The following ERGIC2 variants were observed in gnomAD, a reference collection of about 807,000 sequenced individuals.
The protein encoded by ERGIC2 is ERGIC and golgi 2, also known as endoplasmic reticulum-Golgi intermediate compartment protein 2.
A neutral mutation model predicts 52.5 loss-of-function variants in ERGIC2; 31 were observed. That is an observed-to-expected ratio of 0.59 (90% CI 0.44 to 0.80). The LOEUF (loss-of-function observed/expected upper bound fraction) is 0.80. Among genes scored for constraint, ERGIC2 ranks in the 30% least tolerant of loss-of-function variants. The probability of loss-of-function intolerance (pLI) is 0.00; values close to 1 mark genes in which losing one functional copy is unlikely to be tolerated. For synonymous variants in ERGIC2, 129 were observed against 140.6 expected, an observed-to-expected ratio of 0.92 and a Z score of 0.58; for missense variants, 395 against 455.2, an observed-to-expected ratio of 0.87 and a Z score of 1.20.
intron 10 of ERGIC2, among the ~76,000 whole-genome samples, chr12:29,348,178 C>T (rs888240121): frequency 6.6e-6 from 1 of 152,108 alleles, no homozygotes; most frequent in South Asian, 2.1e-4. Context: ...CCCACATGAA[C>T]ATAAAATATT....
intron 1 of ERGIC2, among the ~76,000 whole-genome samples, chr12:29,377,092 T>C (rs1415926943): frequency 6.6e-6 from 1 of 152,156 alleles, no homozygotes; most frequent in Non-Finnish European, 1.5e-5. Flanking sequence ...CAAATAGATA[T>C]ACATTTTCTT....
chr12:29,346,099 T>C (rs1940047719), intron 10 of ERGIC2, among the ~76,000 whole-genome samples: 1 of 151,906 alleles, frequency 6.6e-6, no homozygotes, highest in Non-Finnish European at 1.5e-5. Flanking sequence ...GCAACACAGA[T>C]GTTTAAAAAA....
chr12:29,371,059 T>C (rs1940433901), intron 2 of ERGIC2, among the ~76,000 whole-genome samples: 2 of 152,156 alleles, frequency 1.3e-5, no homozygotes, highest in South Asian at 2.1e-4. Flanking sequence ...AATATTGTTA[T>C]AGTCACACAT....
chr12:29,374,054 C>A (rs1940481376), intron 1 of ERGIC2, among the ~76,000 whole-genome samples: 1 of 152,108 alleles, frequency 6.6e-6, no homozygotes, highest in Non-Finnish European at 1.5e-5. Flanking sequence ...ACAGAACTCT[C>A]CCTTAAACTC....
At position 29,356,026 on chromosome 12, in the gene ERGIC2, A is replaced by AC. The variant is rs577805221; in HGVS notation, c.572+355dup. The stretch of plus-strand genomic sequence containing the variant: ...TATTTATTTGATTAGCAAAGTATTT[A>AC]CTTTTTTTTTTTTGGATACAGAGTT... On this transcript the variant is annotated intron_variant, in intron 8 of 13. Coordinates refer to ENST00000360150, the MANE Select transcript of ERGIC2 (RefSeq NM_016570.3). Among the ~76,000 whole-genome samples the AC allele has an allele frequency of 1.6e-4, 24 of 149,586 alleles. No homozygotes were observed. In the East Asian group the frequency reaches 4.7e-3, roughly 29 times the overall value.
intron 10 of ERGIC2, among the ~76,000 whole-genome samples, chr12:29,346,357 T>C (rs1017534139): frequency 1.3e-5 from 2 of 151,716 alleles, no homozygotes; most frequent in Non-Finnish European, 2.9e-5. Flanking sequence ...CCAACTAAAT[T>C]TTTTTCATTT....
chr12:29,355,314 C>T (rs1940187761), intron 8 of ERGIC2, among the ~76,000 whole-genome samples: 1 of 151,950 alleles, frequency 6.6e-6, no homozygotes, highest in Non-Finnish European at 1.5e-5. Context: ...AATGTCAGGC[C>T]TATTTAAAAT....
chr12:29,361,740 A>C, intron 5 of ERGIC2, 55 bp from the exon 6 acceptor site: 1 of 1,439,366 alleles, frequency 6.9e-7, no homozygotes. Flanking sequence ...TGGCTTTTAC[A>C]TCATAATTTA....
At chr12:29,363,900 G>GT (rs1940320222) in intron 5 of ERGIC2, among the ~76,000 whole-genome samples, 1 of 149,616 alleles carries the variant, frequency 6.7e-6, no homozygotes, top group Non-Finnish European at 1.5e-5. Context: ...GAGAAACAGT[G>GT]TAAGTGACTT....
At chr12:29,345,163 ATAAT>A (rs1208990514) in intron 11 of ERGIC2, among the ~76,000 whole-genome samples, 2 of 152,246 alleles carry the variant, frequency 1.3e-5, no homozygotes, top group African/African-American at 2.4e-5. Flanking sequence ...TAAGAATAAA[ATAAT>A]TAAGGCCATC....
chr12:29,355,414 G>C (rs1940189243), intron 8 of ERGIC2, among the ~76,000 whole-genome samples: 1 of 151,978 alleles, frequency 6.6e-6, no homozygotes, highest in African/African-American at 2.4e-5. Context: ...TTTATCCTTA[G>C]TTTCTAGCAC....
rs1464127108 is a variant in ERGIC2 at position 29,341,189 on chromosome 12, G to C, written c.1101C>G (p.Asn367Lys). 6.2e-7 allele frequency: 1 copy of C among 1,610,040 alleles called. No homozygotes were observed. Among genetic ancestry groups the C allele is most frequent in the Admixed American group, 1.7e-5 (1 of 59,788 alleles). The change falls in exon 14 of 14, where the codon AAC becomes AAG. Residue 367 changes from asparagine (N) to lysine (K), a missense_variant. Transcript: ENST00000360150. ...SVPFEDGHTD[N>K]HLPLLENNTH ...TATTATTTTCTAAAAGAGGTAAGTG[G>C]TTGTCTGTGTGGCCATCCTCAAAAG...
chr12:29,350,782 C>A (rs539374071), intron 8 of ERGIC2, among the ~76,000 whole-genome samples: 118 of 152,080 alleles, frequency 7.8e-4, no homozygotes, highest in Non-Finnish European at 9.4e-4. Context: ...TTTGAAAGGT[C>A]AGAAAATATA....
At chr12:29,353,564 T>G (rs1940161959) in intron 8 of ERGIC2, among the ~76,000 whole-genome samples, 1 of 152,096 alleles carries the variant, frequency 6.6e-6, no homozygotes, top group South Asian at 2.1e-4. Flanking sequence ...GTGTTGACAA[T>G]GCTCAAATTT....
rs769812628 is a variant in ERGIC2, at chr12:29,350,021, T to C, written c.620A>G (p.Asn207Ser). The change falls in exon 9 of 14, where the codon AAC becomes AGC. Residue 207 changes from asparagine to serine, a missense_variant. Transcript: ENST00000360150. ...RGHAHLAALV[N>S]HESYNFSHRI... The stretch of plus-strand genomic sequence containing the variant: ...AGTCAGAATCTGCTTACATTCATGG[T>C]TGACAAGTGCTGCCAAATGTGCATG... 1 of 1,604,690 alleles carries C rather than the reference T, an allele frequency of 6.2e-7. No homozygotes were observed. Among genetic ancestry groups the C allele is most frequent in the Non-Finnish European group, 8.5e-7 (1 of 1,172,668 alleles).
chr12:29,373,368 T>G (rs192833494), intron 1 of ERGIC2, among the ~76,000 whole-genome samples: 41 of 152,302 alleles, frequency 2.7e-4, no homozygotes, highest in Admixed American at 2.5e-3. Flanking sequence ...AAGGCTTTAT[T>G]AATAAAATCA....
chr12:29,357,616 A>G lies in ERGIC2; in HGVS notation c.476+7T>C. ...AAACAGTTGCACATTTAAAATACAG[A>G]TCTCACCTTGGTGGAAGAGCTGTTG... On this transcript the variant is annotated splice_region_variant and intron_variant, in intron 7 of 13. Transcript: ENST00000360150. 1 of 1,414,686 alleles carries G rather than the reference A, an allele frequency of 7.1e-7. No individual in the cohort carries two copies. The highest frequency in any genetic ancestry group is 1.0e-6 in the Non-Finnish European group (1 of 1,002,510). The allele number at this position is 1,414,686 out of a possible 1,614,324, so 87.6% of individuals were successfully genotyped here.
At chr12:29,365,047 AT>A (rs1353632405) in intron 5 of ERGIC2, among the ~76,000 whole-genome samples, 1 of 152,032 alleles carries the variant, frequency 6.6e-6, no homozygotes, top group African/African-American at 2.4e-5. Flanking sequence ...GTGGAAAGCA[AT>A]TTGGAGAGTT....
At position 29,339,084 on chromosome 12, in the gene ERGIC2, T is replaced by C. The variant is rs544581509; in HGVS notation, c.*2072A>G. ...GCTGATCGGAATTTTAATACTTCCA[T>C]TGCCAAAAATCTGACTCTATTTGAG... On this transcript the variant is annotated 3_prime_UTR_variant, in exon 14 of 14. Coordinates refer to ENST00000360150, the MANE Select transcript of ERGIC2 (RefSeq NM_016570.3). 7 of 152,262 alleles carry C rather than the reference T, an allele frequency of 4.6e-5. 1 individual carries two copies. In the East Asian group the frequency reaches 9.7e-4, roughly 21 times the overall value. The allele number at this position is 152,262 out of a possible 1,614,324, so 9.4% of individuals were successfully genotyped here.
Sources: gnomAD v4.1 joint callset for allele counts (sites outside exome capture counted in the v4.1 genomes callset) on GRCh38, gnomAD v4.1.1 for gene constraint, MANE v1.5 for transcripts, NCBI Gene and HGNC (gene_info 2026-07-23, HGNC 2026-07-21) for gene names.